Variants in STPG2 observed in about 807,000 individuals in gnomAD.
STPG2 encodes the protein sperm-tail PG-rich repeat-containing protein 2.
In STPG2, 56 loss-of-function variants were observed where a neutral mutation model predicts 54.2. The observed-to-expected ratio is 1.03, with a 90% CI of 0.83 to 1.29. The LOEUF (loss-of-function observed/expected upper bound fraction) is 1.29, where lower values mean the gene tolerates loss of function less well. Ranked by LOEUF, STPG2 falls within the 50% of genes most tolerant of loss-of-function variation. The probability of loss-of-function intolerance (pLI) is 0.00; values close to 1 mark genes in which losing one functional copy is unlikely to be tolerated. For missense variants in STPG2, 596 were observed against 544.9 expected (o/e 1.09, Z -0.93); for synonymous variants, 200 against 181.8 (o/e 1.10, Z -0.81).
chr4:97,865,283 G>A (rs1000476713), intron 8 of STPG2, among the ~76,000 whole-genome samples: 7 of 152,046 alleles, frequency 4.6e-5, no homozygotes, highest in Non-Finnish European at 1.5e-5. Context: ...GTGGACAAAG[G>A]ATATGAAAAG....
chr4:98,045,826 T>C lies in STPG2; in HGVS notation c.612+60127A>G, dbSNP rs549830452. 3.9e-5 allele frequency among the ~76,000 whole-genome samples: 6 copies of C among 152,284 alleles called. No homozygotes were observed. The South Asian group carries it at 6.2e-4, about 16-fold the overall frequency. On this transcript the variant is annotated intron_variant, in intron 5 of 10. Coordinates refer to ENST00000295268, the MANE Select transcript of STPG2 (RefSeq NM_174952.3). Reference sequence around the variant, plus strand: ...TCTAGCATTTGACCACTTGTATATGTTGTGCCTCTTTGCATTCATTTTATT... The same window carrying C: ...TCTAGCATTTGACCACTTGTATATGCTGTGCCTCTTTGCATTCATTTTATT...
intron 4 of STPG2, among the ~76,000 whole-genome samples, chr4:97,449,760 T>C (rs1336922705): frequency 2.0e-5 from 3 of 152,212 alleles, no homozygotes; most frequent in African/African-American, 4.8e-5. Flanking sequence ...TAGTTTTTCA[T>C]TGACTGTCTT....
intron 2 of STPG2, among the ~76,000 whole-genome samples, chr4:98,130,615 GT>G (rs1739959229): frequency 6.6e-6 from 1 of 151,902 alleles, no homozygotes; most frequent in African/African-American, 2.4e-5. Context: ...AAAAGAATTT[GT>G]GTGATGTCAA....
At chr4:98,058,130 G>A (rs1454798545) in intron 5 of STPG2, among the ~76,000 whole-genome samples, 1 of 152,176 alleles carries the variant, frequency 6.6e-6, no homozygotes, top group Non-Finnish European at 1.5e-5. Flanking sequence ...ACAGACCAGT[G>A]ACACTCTGAA....
At chr4:97,730,448 G>C (rs1289522338) in intron 9 of STPG2, among the ~76,000 whole-genome samples, 1 of 152,142 alleles carries the variant, frequency 6.6e-6, no homozygotes, top group Non-Finnish European at 1.5e-5. Context: ...GTTGTGAATA[G>C]CACTGTGATG....
chr4:97,899,931 A>G (rs986249203), intron 8 of STPG2, among the ~76,000 whole-genome samples: 1 of 152,162 alleles, frequency 6.6e-6, no homozygotes, highest in African/African-American at 2.4e-5. Flanking sequence ...CATGACAAAG[A>G]TACTGAAAGC....
At chr4:97,540,872 A>G (rs1367881217) in intron 4 of STPG2, among the ~76,000 whole-genome samples, 2 of 152,210 alleles carry the variant, frequency 1.3e-5, no homozygotes, top group African/African-American at 2.4e-5. Context: ...GAAAAACCAC[A>G]TGATTATCTC....
chr4:97,758,756 A>C (rs1578539748), intron 9 of STPG2, among the ~76,000 whole-genome samples: 1 of 152,246 alleles, frequency 6.6e-6, no homozygotes, highest in Admixed American at 6.5e-5. Flanking sequence ...AAACCAGTAC[A>C]TTCTTCACAT....
chr4:97,896,675 T>G (rs1730966885), intron 8 of STPG2, among the ~76,000 whole-genome samples: 1 of 151,818 alleles, frequency 6.6e-6, no homozygotes, highest in Non-Finnish European at 1.5e-5. Flanking sequence ...GGGACATCTT[T>G]ATGAATGCAA....
chr4:97,963,810 CAGAT>C (rs548489190), intron 7 of STPG2, among the ~76,000 whole-genome samples: 14 of 151,776 alleles, frequency 9.2e-5, no homozygotes, highest in Admixed American at 2.6e-4. Flanking sequence ...AGGTTGATGA[CAGAT>C]AGAAACTCAA....
chr4:97,945,867 T>A (rs1733195163), intron 7 of STPG2, among the ~76,000 whole-genome samples: 1 of 152,132 alleles, frequency 6.6e-6, no homozygotes, highest in Non-Finnish European at 1.5e-5. Flanking sequence ...ATGATCAGCC[T>A]GAGCAATATG....
intron 9 of STPG2, among the ~76,000 whole-genome samples, chr4:97,765,471 T>A (rs373610994): frequency 8.2e-4 from 125 of 152,306 alleles, no homozygotes; most frequent in South Asian, 4.8e-3. Context: ...ACATGTGATT[T>A]GCTTTAGCTT....
At chr4:97,824,360 T>A (rs902546542) in intron 9 of STPG2, among the ~76,000 whole-genome samples, 2 of 152,146 alleles carry the variant, frequency 1.3e-5, no homozygotes, top group African/African-American at 4.8e-5. Context: ...ACTTTGAAAA[T>A]CATTCAAAAT....
intron 5 of STPG2, among the ~76,000 whole-genome samples, chr4:98,099,151 A>G (rs919293539): frequency 4.6e-5 from 7 of 152,178 alleles, no homozygotes; most frequent in Non-Finnish European, 8.8e-5. Context: ...TATCAAAGAG[A>G]TATATGCACT....
intron 10 of STPG2, among the ~76,000 whole-genome samples, chr4:97,632,388 A>C (rs1427070534): frequency 6.6e-6 from 1 of 151,938 alleles, no homozygotes; most frequent in African/African-American, 2.4e-5. Context: ...AATAAAGACT[A>C]AATGTCTGTT....
chr4:97,517,295 G>A (rs1425502383), intron 4 of STPG2, among the ~76,000 whole-genome samples: 1 of 152,022 alleles, frequency 6.6e-6, no homozygotes, highest in Non-Finnish European at 1.5e-5. Context: ...AAAATTGCTT[G>A]AGCCAGGAGT....
intron 9 of STPG2, among the ~76,000 whole-genome samples, chr4:97,734,410 C>A (rs982741121): frequency 1.3e-5 from 2 of 152,140 alleles, no homozygotes; most frequent in South Asian, 2.1e-4. Flanking sequence ...CTGATTCTCT[C>A]CCTCCTCCCA....
At chr4:97,798,019 G>A (rs1019890492) in intron 9 of STPG2, among the ~76,000 whole-genome samples, 11 of 152,110 alleles carry the variant, frequency 7.2e-5, no homozygotes, top group African/African-American at 2.7e-4. Flanking sequence ...TATTTCTGTG[G>A]GATCAGTGGT....
At chr4:98,128,195 A>T (rs1387989344) in intron 3 of STPG2, among the ~76,000 whole-genome samples, 1 of 152,184 alleles carries the variant, frequency 6.6e-6, no homozygotes, top group East Asian at 1.9e-4. Flanking sequence ...GTGTCCCTGA[A>T]TCTCAGCATG....
Sources: allele counts gnomAD v4.1 joint callset (sites outside exome capture counted in the v4.1 genomes callset), GRCh38; gene constraint gnomAD v4.1.1; transcripts MANE v1.5; gene names NCBI Gene and HGNC (gene_info 2026-07-23, HGNC 2026-07-21).